Variants in PCDHGB3 observed in about 807,000 individuals in gnomAD.
The protein encoded by PCDHGB3 is protocadherin gamma subfamily B, 3, also known as protocadherin gamma-B3.
PCDHGB3 carries 40 observed loss-of-function variants against 59.2 expected under a neutral mutation model. The observed-to-expected ratio is 0.68, with a 90% CI of 0.52 to 0.88. The LOEUF (loss-of-function observed/expected upper bound fraction) is 0.88. PCDHGB3 is among the 40% of genes least tolerant of loss of function. The pLI is 0.00. For synonymous variants in PCDHGB3, 581 were observed against 503.6 expected, an observed-to-expected ratio of 1.15 and a Z score of -2.06; for missense variants, 1,309 against 1,187.9, an observed-to-expected ratio of 1.10 and a Z score of -1.50.
At chr5:141,423,990 T>A (rs2096793990) in intron 1 of PCDHGB3, 2 of 1,090,000 alleles carry the variant, frequency 1.8e-6, no homozygotes, top group East Asian at 1.1e-4. Flanking sequence ...GCTCTCAATT[T>A]ATTATATATA....
intron 1 of PCDHGB3, chr5:141,395,381 A>T (rs562557513): frequency 2.7e-6 from 3 of 1,094,770 alleles, no homozygotes; most frequent in Non-Finnish European, 3.8e-6. Flanking sequence ...TGGTGTTACT[A>T]TAAAATTGAA....
chr5:141,421,379 A>G, intron 1 of PCDHGB3: 1 of 1,614,054 alleles, frequency 6.2e-7, no homozygotes, highest in Non-Finnish European at 8.5e-7. Flanking sequence ...AATATCTCCA[A>G]GGACCTGGGG....
intron 1 of PCDHGB3, among the ~76,000 whole-genome samples, chr5:141,458,596 G>A (rs907922436): frequency 1.8e-4 from 27 of 151,842 alleles, no homozygotes; most frequent in African/African-American, 5.8e-4. Flanking sequence ...TTGGAGACGA[G>A]TCTCACTCTG....
chr5:141,402,871 A>G, intron 1 of PCDHGB3: 1 of 1,452,626 alleles, frequency 6.9e-7, no homozygotes, highest in Non-Finnish European at 9.1e-7. Context: ...AAAGATCACC[A>G]TACTTTGCAG....
At chr5:141,384,845 A>G (rs866832912) in intron 1 of PCDHGB3, 1 of 1,613,546 alleles carries the variant, frequency 6.2e-7, no homozygotes. Flanking sequence ...GTCCAGGACC[A>G]CGGTCAGCCT....
At chr5:141,389,863 T>C in intron 1 of PCDHGB3, 1 of 1,614,064 alleles carries the variant, frequency 6.2e-7, no homozygotes, top group South Asian at 1.1e-5. Flanking sequence ...ACGTTGCACC[T>C]GGTCTTCGCC....
At chr5:141,397,024 A>G (rs188506780) in intron 1 of PCDHGB3, among the ~76,000 whole-genome samples, 30 of 152,358 alleles carry the variant, frequency 2.0e-4, no homozygotes, top group African/African-American at 7.2e-4. Flanking sequence ...AAGGTTGACC[A>G]ATGTCCACAA....
intron 1 of PCDHGB3, chr5:141,419,253 A>C (rs1590154657): frequency 6.2e-7 from 1 of 1,613,990 alleles, no homozygotes; most frequent in South Asian, 1.1e-5. Context: ...CCAGAAAACA[A>C]CCAGCCGGGT....
chr5:141,418,413 A>T, intron 1 of PCDHGB3: 1 of 1,614,048 alleles, frequency 6.2e-7, no homozygotes, highest in Non-Finnish European at 8.5e-7. Flanking sequence ...GAGAAAGACA[A>T]TCCTGATGGT....
intron 1 of PCDHGB3, chr5:141,414,054 G>A: frequency 6.2e-7 from 1 of 1,610,250 alleles, no homozygotes; most frequent in Non-Finnish European, 8.5e-7. Flanking sequence ...ACACGCAATT[G>A]TTGAAGTTCC....
intron 1 of PCDHGB3, among the ~76,000 whole-genome samples, chr5:141,401,643 A>G (rs973841801): frequency 6.6e-6 from 1 of 152,262 alleles, no homozygotes; most frequent in African/African-American, 2.4e-5. Context: ...AGCTTTAAAT[A>G]TAAATGACTG....
chr5:141,403,204 G>A, intron 1 of PCDHGB3: 4 of 1,613,952 alleles, frequency 2.5e-6, no homozygotes, highest in Non-Finnish European at 3.4e-6. Flanking sequence ...GCGGCACCTT[G>A]GTCACCGCGG....
chr5:141,453,214 A>T (rs1174586625), intron 1 of PCDHGB3, among the ~76,000 whole-genome samples: 2 of 152,058 alleles, frequency 1.3e-5, no homozygotes, highest in African/African-American at 4.8e-5. Flanking sequence ...CGTGCACTTA[A>T]GCGATCCTCC....
At chr5:141,478,717 C>T (rs1381812771) in intron 1 of PCDHGB3, 1 of 1,545,032 alleles carries the variant, frequency 6.5e-7, no homozygotes, top group South Asian at 1.2e-5. Context: ...GAGATGGTGG[C>T]CTGCCAGAGT....
At chr5:141,482,530 CAAAAAAA>C (rs3074545) in intron 1 of PCDHGB3, among the ~76,000 whole-genome samples, 2 of 76,560 alleles carry the variant, frequency 2.6e-5, no homozygotes, top group South Asian at 4.6e-4. Flanking sequence ...GACAGACATG[CAAAAAAA>C]AAAAAAAAAA....
At chr5:141,484,453 C>T (rs1212059469) in intron 1 of PCDHGB3, among the ~76,000 whole-genome samples, 1 of 152,160 alleles carries the variant, frequency 6.6e-6, no homozygotes. Flanking sequence ...TAATTGGCTA[C>T]GTTAATGTGT....
intron 1 of PCDHGB3, chr5:141,404,970 C>G: frequency 6.2e-7 from 1 of 1,614,058 alleles, no homozygotes; most frequent in East Asian, 2.2e-5. Context: ...GACATCCTGG[C>G]TGACCTGGGC....
chr5:141,409,881 C>T (rs2095330257), intron 1 of PCDHGB3: 1 of 1,612,978 alleles, frequency 6.2e-7, no homozygotes, highest in Non-Finnish European at 8.5e-7. Context: ...GACAACGCAC[C>T]GCGGGTGCTG....
intron 1 of PCDHGB3, chr5:141,383,906 C>T (rs1779578930): frequency 6.2e-7 from 1 of 1,613,814 alleles, no homozygotes; most frequent in African/African-American, 1.3e-5. Flanking sequence ...GTACTGATCA[C>T]AGTTTTAGAT....
Sources: gnomAD v4.1 joint callset for allele counts (sites outside exome capture counted in the v4.1 genomes callset) on GRCh38, gnomAD v4.1.1 for gene constraint, MANE v1.5 for transcripts, NCBI Gene and HGNC (gene_info 2026-07-23, HGNC 2026-07-21) for gene names.